The following MALRD1 variants were observed in gnomAD, a reference collection of about 807,000 sequenced individuals.
The protein encoded by MALRD1 is MAM and LDL receptor class A domain containing 1, also known as MAM and LDL-receptor class A domain-containing protein 1.
In MALRD1, 247 loss-of-function variants were observed where a neutral mutation model predicts 242.1. The ratio of observed to expected loss-of-function variants is 1.02; its 90% confidence interval spans 0.92 to 1.13. MALRD1 has a LOEUF of 1.13. MALRD1 is among the 50% of genes most tolerant of loss of function. MALRD1 has a pLI of 0.00. For missense variants in MALRD1, 2,989 were observed against 2,533.1 expected (o/e 1.18, Z -3.86); for synonymous variants, 995 against 866.6 (o/e 1.15, Z -2.60).
chr10:19,450,514 A>G (rs1430608396), intron 29 of MALRD1, 24 bp downstream of exon 29: 1 of 1,527,576 alleles, frequency 6.5e-7, no homozygotes, highest in Non-Finnish European at 8.8e-7. Context: ...AAGCACTTCC[A>G]TTTGGAAGCA....
At chr10:19,085,123 C>T (rs1259809290) in intron 2 of MALRD1, among the ~76,000 whole-genome samples, 2 of 151,936 alleles carry the variant, frequency 1.3e-5, no homozygotes, top group African/African-American at 4.8e-5. Context: ...TCAATATAAA[C>T]TTTGTTGTTC....
intron 36 of MALRD1, among the ~76,000 whole-genome samples, chr10:19,625,867 T>C (rs2131635190): frequency 6.6e-6 from 1 of 152,230 alleles, no homozygotes; most frequent in Non-Finnish European, 1.5e-5. Context: ...CTTTACTAGG[T>C]GGAATACAGA....
chr10:19,192,878 A>G (rs1450678209), intron 14 of MALRD1, among the ~76,000 whole-genome samples: 2 of 152,166 alleles, frequency 1.3e-5, no homozygotes, highest in Non-Finnish European at 2.9e-5. Context: ...TCTGGTTTCT[A>G]TTGCATCTAT....
At chr10:19,265,540 C>A (rs1041473344) in intron 19 of MALRD1, among the ~76,000 whole-genome samples, 3 of 151,750 alleles carry the variant, frequency 2.0e-5, no homozygotes, top group African/African-American at 7.3e-5. Context: ...CCAACTTTTC[C>A]CCTCTCAATG....
intron 8 of MALRD1, among the ~76,000 whole-genome samples, chr10:19,132,307 G>A (rs1302456332): frequency 6.6e-6 from 1 of 152,166 alleles, no homozygotes; most frequent in African/African-American, 2.4e-5. Flanking sequence ...AGAAAAATTA[G>A]TTGCTTGTCT....
At chr10:19,133,738 A>G (rs1302632472) in intron 8 of MALRD1, 118 bp from the exon 9 acceptor site, 1 of 414,124 alleles carries the variant, frequency 2.4e-6, no homozygotes, top group African/African-American at 2.1e-5. Flanking sequence ...TAGATTTCCT[A>G]GTACTTTATA....
intron 38 of MALRD1, chr10:19,722,171 C>T (rs979368334): frequency 1.3e-5 from 2 of 152,150 alleles, no homozygotes; most frequent in African/African-American, 4.8e-5. Context: ...CAGACATGTT[C>T]CTTATCCCTC....
chr10:19,461,475 G>C (rs1835938794), intron 29 of MALRD1, among the ~76,000 whole-genome samples: 1 of 152,138 alleles, frequency 6.6e-6, no homozygotes, highest in South Asian at 2.1e-4. Flanking sequence ...AACGTAAAAG[G>C]AGTTCATGTA....
chr10:19,085,823 T>A (rs1196432770), intron 2 of MALRD1, among the ~76,000 whole-genome samples: 1 of 151,992 alleles, frequency 6.6e-6, no homozygotes, highest in Non-Finnish European at 1.5e-5. Flanking sequence ...CGTTGACAAA[T>A]AAAAATAATT....
intron 36 of MALRD1, among the ~76,000 whole-genome samples, chr10:19,676,256 A>G (rs1184927159): frequency 1.3e-5 from 2 of 152,190 alleles, no homozygotes; most frequent in African/African-American, 2.4e-5. Context: ...GAGTCAGGCA[A>G]CTTATACCAC....
intron 32 of MALRD1, among the ~76,000 whole-genome samples, chr10:19,539,202 C>G (rs1305743490): frequency 6.6e-6 from 1 of 152,068 alleles, no homozygotes; most frequent in Non-Finnish European, 1.5e-5. Context: ...TCACACCCTC[C>G]AAATGAGGCA....
chr10:19,207,184 TA>T (rs796486212), intron 17 of MALRD1, among the ~76,000 whole-genome samples: 1 of 151,966 alleles, frequency 6.6e-6, no homozygotes, highest in East Asian at 1.9e-4. Context: ...GACATTTATT[TA>T]AAAAAAACTA....
At chr10:19,499,925 G>A (rs146131235) in intron 31 of MALRD1, among the ~76,000 whole-genome samples, 25 of 152,216 alleles carry the variant, frequency 1.6e-4, no homozygotes, top group African/African-American at 4.1e-4. Context: ...ACTGATTTGC[G>A]TATGTCGAAC....
chr10:19,504,337 C>T (rs1401813235), intron 31 of MALRD1, among the ~76,000 whole-genome samples: 1 of 152,168 alleles, frequency 6.6e-6, no homozygotes, highest in African/African-American at 2.4e-5. Flanking sequence ...ACAGCTCTGC[C>T]TGGATCCCCT....
intron 38 of MALRD1, among the ~76,000 whole-genome samples, chr10:19,707,123 C>T (rs989471166): frequency 2.0e-5 from 3 of 150,138 alleles, no homozygotes; most frequent in African/African-American, 7.4e-5. Flanking sequence ...TTTCCTCCTC[C>T]TTTCTTCTTC....
intron 2 of MALRD1, among the ~76,000 whole-genome samples, chr10:19,070,836 CTTTTTTTTTTT>C (rs3042437): frequency 7.4e-4 from 39 of 52,470 alleles, no homozygotes; most frequent in African/African-American, 2.1e-3. Context: ...AAATGACAAA[CTTTTTTTTTTT>C]TTTTTTTTTT....
At chr10:19,241,341 A>G (rs888304870) in intron 18 of MALRD1, among the ~76,000 whole-genome samples, 4 of 152,084 alleles carry the variant, frequency 2.6e-5, no homozygotes, top group African/African-American at 4.8e-5. Context: ...ATTTTATTCT[A>G]CATTATCAAA....
chr10:19,149,934 A>G (rs1313893997), intron 11 of MALRD1, among the ~76,000 whole-genome samples: 2 of 152,148 alleles, frequency 1.3e-5, no homozygotes, highest in African/African-American at 2.4e-5. Context: ...GAATCATATC[A>G]TATGTAGCAT....
At chr10:19,388,138 C>T (rs1260114760) in intron 27 of MALRD1, among the ~76,000 whole-genome samples, 2 of 152,294 alleles carry the variant, frequency 1.3e-5, no homozygotes, top group East Asian at 3.9e-4. Flanking sequence ...TAATTCTTCA[C>T]ATCATCTTCT....
Sources: allele counts gnomAD v4.1 joint callset (sites outside exome capture counted in the v4.1 genomes callset), GRCh38; gene constraint gnomAD v4.1.1; transcripts MANE v1.5; gene names NCBI Gene and HGNC (gene_info 2026-07-23, HGNC 2026-07-21).